DPH6: variants seen among roughly 807,000 people sequenced by gnomAD.
DPH6 encodes the protein diphthamine biosynthesis 6.
A neutral mutation model predicts 38.2 loss-of-function variants in DPH6; 33 were observed. The observed-to-expected ratio is 0.86, with a 90% CI of 0.65 to 1.15. The LOEUF is 1.15. DPH6 is among the 50% of genes most tolerant of loss of function. The pLI is 0.00. For missense variants in DPH6, 325 were observed against 320.0 expected (o/e 1.02, Z -0.12); for synonymous variants, 108 against 103.0 (o/e 1.05, Z -0.30).
At chr15:35,195,098 C>T in the DPH6 span, among the ~76,000 whole-genome samples, 1 of 152,158 alleles carries the variant, frequency 6.6e-6, no homozygotes, top group African/African-American at 2.4e-5. Context: ...CCTCTGGTAA[C>T]CACCAATCTA....
chr15:35,332,787 C>T (rs11637798), intron 3 of DPH6, among the ~76,000 whole-genome samples: 44,815 of 151,748 alleles, frequency 0.3, 6,956 homozygotes, highest in South Asian at 0.38. Context: ...TGTTAAATTA[C>T]GAAGTAAGGA....
chr15:35,241,455 C>T (rs1013926399), intron 3 of DPH6, among the ~76,000 whole-genome samples: 1 of 143,362 alleles, frequency 7.0e-6, no homozygotes, highest in East Asian at 2.2e-4. Context: ...TTAAAACTTC[C>T]CAACTCTGGT....
chr15:35,530,604 T>A (rs1453457116), intron 3 of DPH6, among the ~76,000 whole-genome samples: 18 of 152,020 alleles, frequency 1.2e-4, no homozygotes, highest in Non-Finnish European at 8.8e-5. Context: ...TGATACCAAG[T>A]GGAGAAAAGT....
At chr15:35,432,838 T>A (rs549158720) in intron 5 of DPH6, among the ~76,000 whole-genome samples, 1 of 152,014 alleles carries the variant, frequency 6.6e-6, no homozygotes. Flanking sequence ...AGGGGAACAA[T>A]AGAAACTGAG....
chr15:35,310,895 CA>C (rs532692414), intron 3 of DPH6, among the ~76,000 whole-genome samples: 9,955 of 129,944 alleles, frequency 0.077, 736 homozygotes, highest in African/African-American at 0.21. Flanking sequence ...ACTAAAAATA[CA>C]AAAAAAAAAA....
chr15:35,258,613 C>T (rs1277153887), intron 3 of DPH6, among the ~76,000 whole-genome samples: 1 of 152,170 alleles, frequency 6.6e-6, no homozygotes, highest in Non-Finnish European at 1.5e-5. Flanking sequence ...GCTGTCTCAG[C>T]AAGCTTAGGG....
chr15:35,239,799 C>A (rs1398295254), intron 3 of DPH6, among the ~76,000 whole-genome samples: 1 of 141,596 alleles, frequency 7.1e-6, no homozygotes, highest in African/African-American at 2.6e-5. Flanking sequence ...GGGCAAGAAC[C>A]CCCCAATCGC....
At chr15:35,439,842 A>G (rs959890104) in intron 5 of DPH6, among the ~76,000 whole-genome samples, 2 of 152,190 alleles carry the variant, frequency 1.3e-5, no homozygotes, top group African/African-American at 4.8e-5. Flanking sequence ...CATCAAATCC[A>G]ATTTAAAAAG....
At chr15:35,256,613 T>A (rs1436343359) in intron 3 of DPH6, among the ~76,000 whole-genome samples, 2 of 152,228 alleles carry the variant, frequency 1.3e-5, no homozygotes, top group African/African-American at 4.8e-5. Context: ...TAATGGAAAG[T>A]ACTTCATTGC....
At chr15:35,454,480 G>A (rs2053971990) in intron 4 of DPH6, among the ~76,000 whole-genome samples, 1 of 151,922 alleles carries the variant, frequency 6.6e-6, no homozygotes, top group Admixed American at 6.6e-5. Context: ...AAAGTGAAGA[G>A]AATACTTCTC....
chr15:35,231,104 C>A (rs1263302540), intron 3 of DPH6, among the ~76,000 whole-genome samples: 1 of 152,140 alleles, frequency 6.6e-6, no homozygotes, highest in Non-Finnish European at 1.5e-5. Flanking sequence ...GTCCTAGTGG[C>A]CTAGACTGCC....
intron 6 of DPH6, among the ~76,000 whole-genome samples, chr15:35,397,242 T>C (rs996705371): frequency 6.6e-6 from 1 of 152,238 alleles, no homozygotes; most frequent in African/African-American, 2.4e-5. Context: ...TGTTTACCTT[T>C]GACTCAAGGC....
chr15:35,168,392 T>C, the DPH6 span, among the ~76,000 whole-genome samples: 1 of 152,056 alleles, frequency 6.6e-6, no homozygotes, highest in African/African-American at 2.4e-5. Flanking sequence ...TTCAGTATAT[T>C]GTGTCCAGGA....
At chr15:35,388,535 T>C (rs1392270670) in intron 6 of DPH6, among the ~76,000 whole-genome samples, 2 of 152,224 alleles carry the variant, frequency 1.3e-5, no homozygotes, top group Non-Finnish European at 2.9e-5. Context: ...TATTGGTCTA[T>C]TCAGAGATTC....
At chr15:35,285,872 G>GTTTTTTTTTTTTTTTTTGTTTTTTTTT (rs67243158) in intron 3 of DPH6, among the ~76,000 whole-genome samples, 1 of 52,794 alleles carries the variant, frequency 1.9e-5, no homozygotes, top group Non-Finnish European at 3.3e-5. Flanking sequence ...TTATCTTTGA[G>GTTTTTTTTTTTTTTTTTGTTTTTTTTT]TTTTTTTTTT....
chr15:35,339,534 AGGCTCGTCTCGAACTCCTAACT>A (rs2052404094), intron 3 of DPH6, among the ~76,000 whole-genome samples: 1 of 152,036 alleles, frequency 6.6e-6, no homozygotes, highest in Non-Finnish European at 1.5e-5. Flanking sequence ...CATGTTGGCC[AGGCTCGTCTCGAACTCCTAACT>A]TCAGGTCATC....
chr15:35,262,827 A>T (rs2051758243), intron 3 of DPH6, among the ~76,000 whole-genome samples: 1 of 151,470 alleles, frequency 6.6e-6, no homozygotes, highest in African/African-American at 2.4e-5. Flanking sequence ...TCTGGGAGAG[A>T]TCTTTACCAA....
chr15:35,200,338 A>G, the DPH6 span, among the ~76,000 whole-genome samples: 7 of 152,236 alleles, frequency 4.6e-5, no homozygotes, highest in South Asian at 1.5e-3. Flanking sequence ...CTTTTTGCAT[A>G]CTGTGTCTAG....
intron 3 of DPH6, among the ~76,000 whole-genome samples, chr15:35,281,785 G>T (rs2051901114): frequency 1.3e-5 from 2 of 152,174 alleles, no homozygotes. Flanking sequence ...AATATGTTTG[G>T]AGTGACACAT....
Sources: allele counts gnomAD v4.1 joint callset (sites outside exome capture counted in the v4.1 genomes callset), GRCh38; gene constraint gnomAD v4.1.1; transcripts MANE v1.5; gene names NCBI Gene and HGNC (gene_info 2026-07-23, HGNC 2026-07-21).